Variants in XRN1 observed in about 807,000 individuals in gnomAD.
XRN1 encodes the protein 5'-3' exoribonuclease 1.
Under a neutral mutation model 222.3 loss-of-function variants are expected in XRN1, and 67 were observed. That is an observed-to-expected ratio of 0.30 (90% CI 0.25 to 0.37). XRN1 has a LOEUF of 0.37. XRN1 is among the 10% of genes least tolerant of loss of function. The probability of loss-of-function intolerance (pLI) is 1.00; values close to 1 mark genes in which losing one functional copy is unlikely to be tolerated. For synonymous variants in XRN1, 643 were observed against 652.4 expected, an observed-to-expected ratio of 0.99 and a Z score of 0.22; for missense variants, 1,707 against 2,000.2, an observed-to-expected ratio of 0.85 and a Z score of 2.80.
chr3:142,313,970 G>A (rs185779323), intron 39 of XRN1, among the ~76,000 whole-genome samples: 20 of 152,224 alleles, frequency 1.3e-4, no homozygotes, highest in African/African-American at 4.8e-4. Context: ...AACTATCTAC[G>A]AGCAACTTTG....
chr3:142,339,739 C>T (rs980143689), intron 33 of XRN1, among the ~76,000 whole-genome samples: 1 of 150,770 alleles, frequency 6.6e-6, no homozygotes, highest in Non-Finnish European at 1.5e-5. Flanking sequence ...AGCGGTTGAG[C>T]CTGCAGTGAG....
At chr3:142,393,648 G>A (rs996240242) in intron 20 of XRN1, among the ~76,000 whole-genome samples, 3 of 152,152 alleles carry the variant, frequency 2.0e-5, no homozygotes, top group Non-Finnish European at 4.4e-5. Flanking sequence ...ATATGCGTAA[G>A]CCAGCAATTT....
chr3:142,399,677 C>A (rs943089364), intron 19 of XRN1, among the ~76,000 whole-genome samples: 2 of 151,252 alleles, frequency 1.3e-5, no homozygotes, highest in African/African-American at 2.4e-5. Context: ...AGGAAAAAAA[C>A]CGTACTGGCA....
intron 20 of XRN1, among the ~76,000 whole-genome samples, chr3:142,393,556 T>C (rs2067815785): frequency 6.6e-6 from 1 of 151,668 alleles, no homozygotes; most frequent in Non-Finnish European, 1.5e-5. Context: ...CTAGCCAGTT[T>C]TCCCAGCACC....
At chr3:142,357,214 A>G (rs533676181) in intron 30 of XRN1, 95 bp from the exon 31 acceptor site, 1 of 1,164,840 alleles carries the variant, frequency 8.6e-7, no homozygotes, top group South Asian at 1.4e-5. Flanking sequence ...ATCCATCATC[A>G]GCATTAGTAA....
intron 2 of XRN1, among the ~76,000 whole-genome samples, chr3:142,431,994 TTG>T (rs530755989): frequency 0.035 from 3,336 of 95,378 alleles, 450 homozygotes; most frequent in African/African-American, 0.17. Context: ...ATATAATATA[TTG>T]TATATATATA....
At chr3:142,316,440 G>T (rs1336369753) in intron 39 of XRN1, among the ~76,000 whole-genome samples, 1 of 151,632 alleles carries the variant, frequency 6.6e-6, no homozygotes, top group Non-Finnish European at 1.5e-5. Flanking sequence ...AGGCTGTTTT[G>T]CCATGTTGCC....
Position 142,347,309 on chromosome 3 carries a change from T to G in XRN1, c.3802A>C (p.Asn1268His). 6.2e-7 allele frequency: 1 copy of G among 1,606,722 alleles called. No individual in the cohort carries two copies. Among genetic ancestry groups the G allele is most frequent in the Non-Finnish European group, 8.5e-7 (1 of 1,176,558 alleles). ...AVLPQEISQV[N>H]QHHKSGFNDN... ...TTAAAGCCAGATTTATGATGTTGAT[T>G]TACTTGGCTTATTTCTTGAGGTAGA... The change falls in exon 33 of 41, where the codon AAT becomes CAT. Residue 1268 changes from asparagine to histidine, a missense_variant. By Grantham distance (68) the Asn-to-His change is moderately conservative. Coordinates refer to ENST00000392981, the MANE Select transcript of XRN1 (RefSeq NM_001282857.2).
At chr3:142,432,093 AT>A (rs1419719881) in intron 2 of XRN1, among the ~76,000 whole-genome samples, 1 of 114,320 alleles carries the variant, frequency 8.7e-6, no homozygotes, top group Non-Finnish European at 1.7e-5. Context: ...TACATATAAA[AT>A]ATATACATTA....
intron 1 of XRN1, among the ~76,000 whole-genome samples, chr3:142,441,526 T>C (rs776934419): frequency 6.6e-5 from 10 of 152,176 alleles, no homozygotes; most frequent in African/African-American, 2.2e-4. Context: ...AGAAAACTGA[T>C]GTAGTGGCAA....
At chr3:142,356,314 TTCCTTTG>T (rs2066464151) in intron 31 of XRN1, among the ~76,000 whole-genome samples, 2 of 152,204 alleles carry the variant, frequency 1.3e-5, no homozygotes, top group African/African-American at 4.8e-5. Flanking sequence ...TTGCTTGTGT[TTCCTTTG>T]TTATCATCTA....
At chr3:142,369,223 T>C (rs770620494) in intron 27 of XRN1, among the ~76,000 whole-genome samples, 5 of 152,158 alleles carry the variant, frequency 3.3e-5, no homozygotes, top group Non-Finnish European at 4.4e-5. Flanking sequence ...AATCAATTCA[T>C]TTTCTATAGA....
intron 9 of XRN1, 73 bp from the exon 10 acceptor site, chr3:142,421,226 CAGTGACT>C: frequency 7.4e-7 from 1 of 1,353,102 alleles, no homozygotes; most frequent in Non-Finnish European, 9.8e-7. Context: ...AAACTTAAAA[CAGTGACT>C]ACTACTGGGG....
At chr3:142,311,864 T>C (rs538710793) in intron 40 of XRN1, 51 bp from the exon 41 acceptor site, 9 of 1,507,918 alleles carry the variant, frequency 6.0e-6, no homozygotes, top group African/African-American at 4.2e-5. Context: ...AAAAATTAGC[T>C]AGTGTTGGAA....
chr3:142,395,934 A>G (rs1208227123), intron 20 of XRN1, among the ~76,000 whole-genome samples: 3 of 152,082 alleles, frequency 2.0e-5, no homozygotes, highest in Non-Finnish European at 1.5e-5. Context: ...CAGCATTCAG[A>G]TATCGATTTA....
intron 37 of XRN1, among the ~76,000 whole-genome samples, chr3:142,320,730 G>C (rs557491254): frequency 6.6e-6 from 1 of 152,118 alleles, no homozygotes; most frequent in African/African-American, 2.4e-5. Context: ...ATATATTCCA[G>C]ATATTTTTTA....
intron 20 of XRN1, among the ~76,000 whole-genome samples, chr3:142,391,225 T>TA (rs1054063192): frequency 2.5e-4 from 37 of 150,894 alleles, no homozygotes; most frequent in East Asian, 5.8e-4. Flanking sequence ...CTCTAATTTG[T>TA]AAAAAAAAAT....
At chr3:142,412,500 GATTAA>G (rs1274551562) in intron 15 of XRN1, 39 bp downstream of exon 15, 9 of 1,496,382 alleles carry the variant, frequency 6.0e-6, no homozygotes, top group Non-Finnish European at 6.3e-6. Context: ...AATAGTCTCT[GATTAA>G]GAATGTATGT....
At chr3:142,334,410 T>C (rs2065789893) in intron 34 of XRN1, among the ~76,000 whole-genome samples, 1 of 151,898 alleles carries the variant, frequency 6.6e-6, no homozygotes, top group African/African-American at 2.4e-5. Flanking sequence ...ATGATAGGCA[T>C]ACAGAAAAGT....
Sources: gnomAD v4.1 joint callset for allele counts (sites outside exome capture counted in the v4.1 genomes callset) on GRCh38, gnomAD v4.1.1 for gene constraint, MANE v1.5 for transcripts, NCBI Gene and HGNC (gene_info 2026-07-23, HGNC 2026-07-21) for gene names.